Variants in RASAL2 observed in about 807,000 individuals in gnomAD.
RASAL2 encodes the protein RAS protein activator like 2, also known as ras GTPase-activating protein nGAP.
In RASAL2, 58 loss-of-function variants were observed where a neutral mutation model predicts 128.9. The ratio of observed to expected loss-of-function variants is 0.45; its 90% CI spans 0.36 to 0.56. The LOEUF (loss-of-function observed/expected upper bound fraction) is 0.56. RASAL2 is among the 20% of genes least tolerant of loss of function. The probability of loss-of-function intolerance (pLI) is 0.00; values close to 1 mark genes in which losing one functional copy is unlikely to be tolerated. For synonymous variants in RASAL2, 561 were observed against 580.8 expected (o/e 0.97, Z 0.49); for missense variants, 1,360 against 1,601.6 (o/e 0.85, Z 2.57).
chr1:178,381,360 A>G (rs1256609574), intron 3 of RASAL2, among the ~76,000 whole-genome samples: 1 of 152,150 alleles, frequency 6.6e-6, no homozygotes, highest in East Asian at 1.9e-4. Flanking sequence ...GGTGGATGGT[A>G]GTGGAAATAA....
chr1:178,458,281 C>A lies in RASAL2; in HGVS notation c.2989C>A (p.Pro997Thr), dbSNP rs1157922760. The part of the protein sequence containing the change: ...RRHTVPDRHI[P>T]LALPRQNSTG... ...GCACACGGTGCCAGATAGACACATA[C>A]CTCTTGCTTTGCCACGACAAAATAG... Residue 997 changes from proline (P) to threonine (T), a missense_variant, in exon 14 of 18, where the codon CCT becomes ACT. Transcript: ENST00000367649. 6.2e-7 allele frequency: 1 copy of A among 1,614,126 alleles called. No homozygotes were observed.
rs1039677568 is a variant in RASAL2 at position 178,178,832 on chromosome 1, A to G, written c.202+84138A>G. 2.6e-5 allele frequency among the ~76,000 whole-genome samples: 4 copies of G among 152,328 alleles called. No homozygotes were observed. The South Asian group carries it at 8.3e-4, about 32-fold the overall frequency. ...ATGGAATTCTGTATTAATTCTTTTC[A>G]TTTAAAAATCCTAAAGGACCCGGCA... On this transcript the variant is annotated intron_variant, in intron 1 of 17. Transcript: ENST00000367649.
intron 1 of RASAL2, among the ~76,000 whole-genome samples, chr1:178,157,620 A>G (rs976381563): frequency 1.3e-5 from 2 of 152,154 alleles, no homozygotes; most frequent in African/African-American, 4.8e-5. Context: ...GGTAGTTGAT[A>G]GTGCTCTCAG....
At chr1:178,195,057 C>T (rs1402489742) in intron 1 of RASAL2, among the ~76,000 whole-genome samples, 1 of 152,094 alleles carries the variant, frequency 6.6e-6, no homozygotes, top group Non-Finnish European at 1.5e-5. Context: ...AATTCAATTC[C>T]TGCTTCTATT....
chr1:178,464,831 G>GTTTTTTTT (rs986789340), intron 15 of RASAL2, among the ~76,000 whole-genome samples: 95 of 38,202 alleles, frequency 2.5e-3, no homozygotes, highest in African/African-American at 5.9e-3. Flanking sequence ...GGTTTTAGTT[G>GTTTTTTTT]TTTTTTTTTT....
At chr1:178,424,237 T>TTTTG (rs1293323554) in intron 5 of RASAL2, among the ~76,000 whole-genome samples, 8 of 152,148 alleles carry the variant, frequency 5.3e-5, no homozygotes, top group East Asian at 1.9e-4. Flanking sequence ...TTTTGGTTTT[T>TTTTG]TTTGTTTGTT....
At chr1:178,374,451 G>GGGAT (rs2102533611) in intron 3 of RASAL2, among the ~76,000 whole-genome samples, 1 of 152,120 alleles carries the variant, frequency 6.6e-6, no homozygotes, top group African/African-American at 2.4e-5. Flanking sequence ...TCCAGAAGGG[G>GGGAT]GGATGCAAGA....
chr1:178,353,812 A>G (rs1205977541), intron 3 of RASAL2, among the ~76,000 whole-genome samples: 1 of 152,128 alleles, frequency 6.6e-6, no homozygotes, highest in East Asian at 1.9e-4. Context: ...CCCTGAGGGT[A>G]GAGAATTATA....
chr1:178,150,975 C>G (rs1660894932), intron 1 of RASAL2, among the ~76,000 whole-genome samples: 1 of 151,974 alleles, frequency 6.6e-6, no homozygotes, highest in Non-Finnish European at 1.5e-5. Context: ...ATATGAAGTG[C>G]TGAAGTGTTA....
intron 1 of RASAL2, among the ~76,000 whole-genome samples, chr1:178,120,474 A>G (rs1278641350): frequency 1.3e-5 from 2 of 152,214 alleles, no homozygotes; most frequent in Non-Finnish European, 2.9e-5. Context: ...AAATAAAATA[A>G]TGATGGGCTA....
At chr1:178,342,696 T>C (rs1033651522) in intron 3 of RASAL2, among the ~76,000 whole-genome samples, 11 of 152,222 alleles carry the variant, frequency 7.2e-5, no homozygotes, top group African/African-American at 2.4e-4. Flanking sequence ...TATGCAAATA[T>C]CTATTTTTGT....
intron 1 of RASAL2, among the ~76,000 whole-genome samples, chr1:178,139,099 C>T (rs748155115): frequency 1.3e-5 from 2 of 151,892 alleles, no homozygotes; most frequent in Non-Finnish European, 2.9e-5. Context: ...AGTAGAATGT[C>T]TTCTGTATTT....
chr1:178,109,597 T>G (rs2102240856), intron 1 of RASAL2, among the ~76,000 whole-genome samples: 1 of 152,286 alleles, frequency 6.6e-6, no homozygotes, highest in East Asian at 1.9e-4. Context: ...TGTGAATCAG[T>G]TTTGAAATTT....
chr1:178,200,504 A>G (rs1400248474), intron 1 of RASAL2, among the ~76,000 whole-genome samples: 1 of 152,186 alleles, frequency 6.6e-6, no homozygotes, highest in Non-Finnish European at 1.5e-5. Context: ...TAAGAAAATA[A>G]TGAACTCGGG....
chr1:178,420,387 T>G, intron 4 of RASAL2, 124 bp from the exon 5 acceptor site: 1 of 556,210 alleles, frequency 1.8e-6, no homozygotes, highest in Non-Finnish European at 3.0e-6. Context: ...ATTAAAAAGC[T>G]TAAAAGCTAG....
chr1:178,289,912 CTT>C (rs756739205), intron 2 of RASAL2, among the ~76,000 whole-genome samples: 13 of 152,170 alleles, frequency 8.5e-5, no homozygotes, highest in Non-Finnish European at 1.8e-4. Context: ...ATTCTTCCCT[CTT>C]ATATTTACAT....
intron 1 of RASAL2, among the ~76,000 whole-genome samples, chr1:178,263,894 C>A (rs1330089029): frequency 6.6e-6 from 1 of 152,270 alleles, no homozygotes; most frequent in East Asian, 1.9e-4. Context: ...TGCTGAAAAT[C>A]TGTATTGAGT....
intron 1 of RASAL2, among the ~76,000 whole-genome samples, chr1:178,164,823 T>TTGTGTGTGTGTGTGTGTG (rs200932615): frequency 2.3e-5 from 3 of 131,998 alleles, no homozygotes; most frequent in South Asian, 2.5e-4. Flanking sequence ...CATCAAACGT[T>TTGTGTGTGTGTGTGTGTG]TGTGTGTGTG....
intron 5 of RASAL2, among the ~76,000 whole-genome samples, chr1:178,430,744 T>C (rs1052684318): frequency 6.6e-6 from 1 of 152,126 alleles, no homozygotes; most frequent in African/African-American, 2.4e-5. Flanking sequence ...AATTATTTAC[T>C]GCATGTCACA....
Sources: gnomAD v4.1 joint callset for allele counts (sites outside exome capture counted in the v4.1 genomes callset) on GRCh38, gnomAD v4.1.1 for gene constraint, MANE v1.5 for transcripts, NCBI Gene and HGNC (gene_info 2026-07-23, HGNC 2026-07-21) for gene names.